Variants in GC observed in about 807,000 individuals in gnomAD.
The protein encoded by GC is vitamin D-binding protein.
In GC, 43 loss-of-function variants were observed where a neutral mutation model predicts 56.7. The ratio of observed to expected loss-of-function variants is 0.76; its 90% CI spans 0.59 to 0.98. The LOEUF is 0.98. Among genes scored for constraint, GC ranks in the 50% least tolerant of loss-of-function variants. The probability of loss-of-function intolerance (pLI) is 0.00; values close to 1 mark genes in which losing one functional copy is unlikely to be tolerated. For missense variants in GC, 529 were observed against 545.9 expected (o/e 0.97, Z 0.31); for synonymous variants, 216 against 202.7 (o/e 1.07, Z -0.56).
At chr4:71,776,068 A>G (rs1742498819) in intron 1 of GC, among the ~76,000 whole-genome samples, 1 of 152,014 alleles carries the variant, frequency 6.6e-6, no homozygotes. Flanking sequence ...ATACATTAGT[A>G]CAGCCATTAT....
chr4:71,780,553 C>A (rs1416509638), intron 1 of GC, among the ~76,000 whole-genome samples: 1 of 151,886 alleles, frequency 6.6e-6, no homozygotes, highest in Non-Finnish European at 1.5e-5. Context: ...AACAAACAAC[C>A]CCATCAAAAA....
chr4:71,805,481 TA>T (rs111887477), upstream of GC, among the ~76,000 whole-genome samples: 26 of 152,314 alleles, frequency 1.7e-4, 2 homozygotes, highest in African/African-American at 6.3e-4. Context: ...TAAGAGAAGC[TA>T]GGGGACTGTC....
At chr4:71,789,128 G>A (rs2149308323) in intron 1 of GC, among the ~76,000 whole-genome samples, 1 of 151,538 alleles carries the variant, frequency 6.6e-6, no homozygotes, top group South Asian at 2.1e-4. Flanking sequence ...GAAGCAGAAG[G>A]TGATAAAGAG....
chr4:71,756,924 G>C lies in GC; in HGVS notation c.832-10C>G. On this transcript the variant is annotated splice_polypyrimidine_tract_variant and intron_variant, in intron 7 of 12. Transcript: ENST00000273951. ...CTGTGTGTTCAGGCAGCTACAAAACGAATGGTTAGTTTGTGCATTGTTAGT... is the reference window on the plus strand; with the variant it reads ...CTGTGTGTTCAGGCAGCTACAAAACCAATGGTTAGTTTGTGCATTGTTAGT... The C allele has an allele frequency of 6.3e-7, 1 of 1,575,812 alleles. No homozygotes were observed. Among genetic ancestry groups the C allele is most frequent in the South Asian group, 1.1e-5 (1 of 90,256 alleles).
chr4:71,804,835 T>C (rs887604867), upstream of GC, among the ~76,000 whole-genome samples: 1 of 150,934 alleles, frequency 6.6e-6, no homozygotes, highest in African/African-American at 2.4e-5. Flanking sequence ...CTTGTCTTTT[T>C]TCCAGTTTAC....
chr4:71,749,808 C>T (rs1256655691), intron 11 of GC, among the ~76,000 whole-genome samples: 2 of 152,060 alleles, frequency 1.3e-5, no homozygotes, highest in Non-Finnish European at 2.9e-5. Context: ...GCATATTTGT[C>T]AGGAGAATTT....
chr4:71,759,361 C>T (rs1289308100), intron 6 of GC, among the ~76,000 whole-genome samples: 1 of 152,212 alleles, frequency 6.6e-6, no homozygotes, highest in African/African-American at 2.4e-5. Flanking sequence ...GACTTCCATA[C>T]TGTTTTCCAT....
At chr4:71,754,529 C>A (rs1372302865) in intron 9 of GC, 21 bp from the exon 10 acceptor site, 2 of 1,201,660 alleles carry the variant, frequency 1.7e-6, no homozygotes, top group South Asian at 2.5e-5. Context: ...ACAATAATTG[C>A]ATAACAAAAT....
At chr4:71,796,138 G>T (rs1341961915) in intron 1 of GC, among the ~76,000 whole-genome samples, 7 of 151,734 alleles carry the variant, frequency 4.6e-5, no homozygotes, top group Non-Finnish European at 7.4e-5. Context: ...CAATTATGTT[G>T]CTTGGAGTTG....
At chr4:71,796,393 T>C (rs1743106598) in intron 1 of GC, among the ~76,000 whole-genome samples, 2 of 152,212 alleles carry the variant, frequency 1.3e-5, no homozygotes, top group South Asian at 4.1e-4. Context: ...ATTTGTCTTT[T>C]CACTCTATTT....
chr4:71,777,648 A>G (rs1329584504), intron 1 of GC, among the ~76,000 whole-genome samples: 2 of 150,424 alleles, frequency 1.3e-5, no homozygotes, highest in East Asian at 3.9e-4. Context: ...TTTAAAACCA[A>G]TTATTACCTA....
chr4:71,796,898 T>C (rs1743119151), intron 1 of GC, among the ~76,000 whole-genome samples: 1 of 152,182 alleles, frequency 6.6e-6, no homozygotes, highest in Admixed American at 6.5e-5. Flanking sequence ...TTCTTTTTGG[T>C]TAGTTTTCTT....
Position 71,765,553 on chromosome 4 carries a change from C to A in GC, c.352G>T (p.Glu118Ter). 6.2e-7 allele frequency: 1 copy of A among 1,613,696 alleles called. No homozygotes were observed. Among genetic ancestry groups the A allele is most frequent in the Non-Finnish European group, 8.5e-7 (1 of 1,179,734 alleles). Residue 118 changes from glutamate to a stop codon, truncating the protein, a stop_gained, in exon 4 of 13, where the codon GAA becomes TAA. Coordinates refer to ENST00000273951, the MANE Select transcript of GC (RefSeq NM_000583.4). LOFTEE classifies it high-confidence loss of function. Reference sequence around the variant, plus strand: ...AGAGCAGCCATGCAGAGCTTTCGTTCCAGGCCCTCTTTGGTGCAGCACTCA... The same window carrying A: ...AGAGCAGCCATGCAGAGCTTTCGTTACAGGCCCTCTTTGGTGCAGCACTCA... ...TAECCTKEGLERKLCMAALKH... is the reference protein window; with the variant it reads ...TAECCTKEGL
intron 6 of GC, among the ~76,000 whole-genome samples, chr4:71,760,441 G>A (rs1005513546): frequency 1.1e-4 from 16 of 152,084 alleles, no homozygotes; most frequent in Admixed American, 7.2e-4. Flanking sequence ...AAAAACTTGT[G>A]AGGATAGTAG....
chr4:71,745,105 T>A (rs759188339), intron 12 of GC, among the ~76,000 whole-genome samples: 1 of 152,198 alleles, frequency 6.6e-6, no homozygotes, highest in African/African-American at 2.4e-5. Context: ...TTTTAAATAT[T>A]TGATATACAT....
intron 6 of GC, among the ~76,000 whole-genome samples, chr4:71,760,558 C>G (rs1246824913): frequency 3.9e-5 from 6 of 152,082 alleles, no homozygotes; most frequent in Admixed American, 3.9e-4. Context: ...AATTAAAATA[C>G]AAGTTAACAG....
At position 71,754,537 on chromosome 4, in the gene GC, A is replaced by C. The variant is rs186634163; in HGVS notation, c.1165-29T>G. On this transcript the variant is annotated intron_variant, in intron 9 of 12. Coordinates refer to ENST00000273951, the MANE Select transcript of GC (RefSeq NM_000583.4). Reference sequence around the variant, plus strand: ...TAAGAAAACAATAATTGCATAACAAAATTATTTGTCTTGAAACCTTGTCCC... The same window carrying C: ...TAAGAAAACAATAATTGCATAACAACATTATTTGTCTTGAAACCTTGTCCC... 5.5e-4 allele frequency: 638 copies of C among 1,164,926 alleles called. 3 individuals carry two copies. In the African/African-American group the frequency reaches 8.9e-3, roughly 16 times the overall value. 72.2% of individuals were successfully genotyped at this position (1,164,926 alleles called of 1,614,324 possible). A position where few individuals can be genotyped will look rare whatever the true frequency, so the allele number is the denominator to read the frequency against.
chr4:71,768,011 T>C (rs980350653), intron 3 of GC, among the ~76,000 whole-genome samples: 1 of 152,098 alleles, frequency 6.6e-6, no homozygotes, highest in Non-Finnish European at 1.5e-5. Flanking sequence ...GGTTTTAGAG[T>C]CATATCTGGA....
chr4:71,742,805 T>C (rs981128007), intron 12 of GC, among the ~76,000 whole-genome samples: 2 of 152,142 alleles, frequency 1.3e-5, no homozygotes, highest in Non-Finnish European at 1.5e-5. Flanking sequence ...AAACCCCGTC[T>C]CTACTAAAAA....
Sources: allele counts gnomAD v4.1 joint callset (sites outside exome capture counted in the v4.1 genomes callset), GRCh38; gene constraint gnomAD v4.1.1; transcripts MANE v1.5; gene names NCBI Gene and HGNC (gene_info 2026-07-23, HGNC 2026-07-21).